The following TAFA4 variants were observed in gnomAD, a reference collection of about 807,000 sequenced individuals.
TAFA4 encodes the protein TAFA chemokine like family member 4.
In TAFA4, 20 loss-of-function variants were observed where a neutral mutation model predicts 21.1. The observed-to-expected ratio is 0.95, with a 90% CI of 0.67 to 1.38. The LOEUF (loss-of-function observed/expected upper bound fraction) is 1.38, where lower values mean the gene tolerates loss of function less well. Ranked by LOEUF, TAFA4 falls within the 40% of genes most tolerant of loss-of-function variation. TAFA4 has a pLI of 0.00. For missense variants in TAFA4, 211 were observed against 180.9 expected (o/e 1.17, Z -0.95); for synonymous variants, 71 against 67.4 (o/e 1.05, Z -0.26).
In TAFA4 at chr3:68,864,280, A is replaced by C. The variant is rs569054260; in HGVS notation, c.130+16450T>G. ...AGAAAACAAACAATGTGACTTTAAA[A>C]AGTGGCCAAATAATTTGAACACACT... On this transcript the variant is annotated intron_variant, in intron 3 of 5. Coordinates refer to ENST00000295569, the MANE Select transcript of TAFA4 (RefSeq NM_182522.5). Among the ~76,000 whole-genome samples, 82 of 152,294 alleles carry C rather than the reference A, an allele frequency of 5.4e-4. 1 individual carries two copies. Among genetic ancestry groups the C allele is most frequent in the African/African-American group, 1.8e-3 (73 of 41,588 alleles).
At chr3:68,827,044 C>A (rs1247769383) in intron 3 of TAFA4, among the ~76,000 whole-genome samples, 1 of 147,580 alleles carries the variant, frequency 6.8e-6, no homozygotes, top group African/African-American at 2.5e-5. Flanking sequence ...CAGCCCCCCA[C>A]CCCCCAACAG....
chr3:68,807,017 G>A (rs1001266826), intron 3 of TAFA4, among the ~76,000 whole-genome samples: 1 of 152,194 alleles, frequency 6.6e-6, no homozygotes, highest in Non-Finnish European at 1.5e-5. Flanking sequence ...TCCTGCCAAT[G>A]CACTTCTACT....
intron 1 of TAFA4, among the ~76,000 whole-genome samples, chr3:68,920,400 A>G (rs1023727284): frequency 1.3e-5 from 2 of 152,218 alleles, no homozygotes. Flanking sequence ...AATGCCAAAT[A>G]TGCTTCCTAT....
intron 3 of TAFA4, among the ~76,000 whole-genome samples, chr3:68,789,564 C>T (rs1197715790): frequency 1.3e-5 from 2 of 152,032 alleles, no homozygotes; most frequent in African/African-American, 4.8e-5. Flanking sequence ...GTCAATTGTG[C>T]CTTAATAAAG....
At chr3:68,745,537 T>C (rs1702441930) in intron 4 of TAFA4, among the ~76,000 whole-genome samples, 1 of 152,024 alleles carries the variant, frequency 6.6e-6, no homozygotes, top group African/African-American at 2.4e-5. Context: ...AAGAAAAAAA[T>C]AAAAAGACAG....
intron 3 of TAFA4, among the ~76,000 whole-genome samples, chr3:68,879,232 T>C (rs1433349483): frequency 6.6e-6 from 1 of 151,892 alleles, no homozygotes; most frequent in Non-Finnish European, 1.5e-5. Context: ...CTTCCTATAA[T>C]ATACCCACAG....
rs578251640 is a variant in TAFA4, at chr3:68,758,770, A to C, written c.131-5752T>G. 2.0e-5 allele frequency among the ~76,000 whole-genome samples: 3 copies of C among 152,362 alleles called. No homozygotes were observed. In the South Asian group the frequency reaches 6.2e-4, roughly 32 times the overall value. On this transcript the variant is annotated intron_variant, in intron 3 of 5. Coordinates refer to ENST00000295569, the MANE Select transcript of TAFA4 (RefSeq NM_182522.5). Reference sequence around the variant, plus strand: ...GCTCAAAGCCTGATGGCAGAAAATAAGGATCCAGTGTGAATGGCGCATAGA... The same window carrying C: ...GCTCAAAGCCTGATGGCAGAAAATACGGATCCAGTGTGAATGGCGCATAGA...
intron 3 of TAFA4, among the ~76,000 whole-genome samples, chr3:68,803,633 G>C (rs1703622483): frequency 1.3e-5 from 2 of 151,532 alleles, no homozygotes; most frequent in Admixed American, 6.6e-5. Flanking sequence ...TGGTGAAACT[G>C]AAGTTTTGAT....
intron 3 of TAFA4, among the ~76,000 whole-genome samples, chr3:68,876,040 T>A (rs1449604528): frequency 6.6e-6 from 1 of 152,140 alleles, no homozygotes; most frequent in Non-Finnish European, 1.5e-5. Context: ...TAACCCATAA[T>A]TCCAATCTTT....
At chr3:68,817,319 A>T (rs570466242) in intron 3 of TAFA4, among the ~76,000 whole-genome samples, 31 of 152,166 alleles carry the variant, frequency 2.0e-4, no homozygotes, top group Non-Finnish European at 3.2e-4. Context: ...ACATCTTCAG[A>T]CTCTACTTCT....
At chr3:68,778,260 T>G (rs1299270414) in intron 3 of TAFA4, among the ~76,000 whole-genome samples, 2 of 152,228 alleles carry the variant, frequency 1.3e-5, no homozygotes, top group African/African-American at 2.4e-5. Flanking sequence ...AATATTAAAT[T>G]ACAAAGTAAA....
At chr3:68,740,627 T>TACCA (rs1432897762) in intron 4 of TAFA4, among the ~76,000 whole-genome samples, 2 of 152,204 alleles carry the variant, frequency 1.3e-5, no homozygotes, top group African/African-American at 2.4e-5. Flanking sequence ...AAATATTTTC[T>TACCA]ACCATTCTCT....
chr3:68,793,787 T>A (rs1703407406), intron 3 of TAFA4, among the ~76,000 whole-genome samples: 1 of 152,184 alleles, frequency 6.6e-6, no homozygotes, highest in East Asian at 1.9e-4. Context: ...CAAATGTAGG[T>A]GCAGAAAGAG....
intron 3 of TAFA4, among the ~76,000 whole-genome samples, chr3:68,785,233 G>C (rs1275375544): frequency 6.6e-6 from 1 of 152,232 alleles, no homozygotes; most frequent in Non-Finnish European, 1.5e-5. Context: ...CACCAGTCAG[G>C]AGCCCAGCTG....
At chr3:68,741,224 T>C (rs1702345323) in intron 4 of TAFA4, among the ~76,000 whole-genome samples, 1 of 152,202 alleles carries the variant, frequency 6.6e-6, no homozygotes, top group African/African-American at 2.4e-5. Flanking sequence ...GTAGATTGCT[T>C]TGGAGAGTAT....
At chr3:68,924,736 TCAA>T (rs1381727505) in intron 1 of TAFA4, among the ~76,000 whole-genome samples, 1 of 151,898 alleles carries the variant, frequency 6.6e-6, no homozygotes, top group African/African-American at 2.4e-5. Flanking sequence ...TTTTTAAAGC[TCAA>T]CAAGGCAAAT....
At chr3:68,733,711 GTGTT>G (rs1240942862) in intron 5 of TAFA4, among the ~76,000 whole-genome samples, 12 of 152,164 alleles carry the variant, frequency 7.9e-5, no homozygotes, top group African/African-American at 2.9e-4. Context: ...GAAATTTTAC[GTGTT>G]TGTTAGTCAA....
At chr3:68,807,718 A>G (rs1703733675) in intron 3 of TAFA4, among the ~76,000 whole-genome samples, 1 of 152,184 alleles carries the variant, frequency 6.6e-6, no homozygotes, top group Non-Finnish European at 1.5e-5. Context: ...CAATCCAGAG[A>G]GTTGTTTTGT....
intron 3 of TAFA4, among the ~76,000 whole-genome samples, chr3:68,822,633 A>G (rs942889265): frequency 6.6e-6 from 1 of 152,052 alleles, no homozygotes; most frequent in African/African-American, 2.4e-5. Flanking sequence ...CACCATGCCC[A>G]GTTAATTTTT....
Sources: gnomAD v4.1 joint callset for allele counts (sites outside exome capture counted in the v4.1 genomes callset) on GRCh38, gnomAD v4.1.1 for gene constraint, MANE v1.5 for transcripts, NCBI Gene and HGNC (gene_info 2026-07-23, HGNC 2026-07-21) for gene names.